Variants in BCL2L1 observed in about 807,000 individuals in gnomAD.
The protein encoded by BCL2L1 is BCL2 like 1.
A neutral mutation model predicts 18.7 loss-of-function variants in BCL2L1; 1 was observed. That is an observed-to-expected ratio of 0.05 (90% CI 0.02 to 0.25). The LOEUF (loss-of-function observed/expected upper bound fraction) is 0.25. BCL2L1 is among the 10% of genes least tolerant of loss of function. The pLI, the probability that BCL2L1 is intolerant of heterozygous loss-of-function variation, is 1.00. For missense variants in BCL2L1, 207 were observed against 304.9 expected, an observed-to-expected ratio of 0.68 and a Z score of 2.39; for synonymous variants, 103 against 122.7, an observed-to-expected ratio of 0.84 and a Z score of 1.06.
At chr20:31,712,637 C>T (rs117913309) in intron 2 of BCL2L1, among the ~76,000 whole-genome samples, 14 of 152,242 alleles carry the variant, frequency 9.2e-5, no homozygotes, top group East Asian at 5.8e-4. Flanking sequence ...GGAAAGGACA[C>T]GAGGCTGGGG....
intron 2 of BCL2L1, among the ~76,000 whole-genome samples, chr20:31,668,711 T>C (rs1447967718): frequency 6.6e-6 from 1 of 151,546 alleles, no homozygotes; most frequent in African/African-American, 2.4e-5. Flanking sequence ...TTCAAGCGAT[T>C]CTCCTGCCTC....
chr20:31,694,049 TCTGC>T (rs1475562776), intron 2 of BCL2L1, among the ~76,000 whole-genome samples: 2 of 152,136 alleles, frequency 1.3e-5, no homozygotes, highest in African/African-American at 4.8e-5. Context: ...AGCCTGTTTC[TCTGC>T]CTGTGGGTGG....
intron 2 of BCL2L1, among the ~76,000 whole-genome samples, chr20:31,675,031 C>T (rs1033974402): frequency 1.3e-5 from 2 of 152,120 alleles, no homozygotes; most frequent in African/African-American, 2.4e-5. Flanking sequence ...CTCCTGCCAG[C>T]TGAGGGGAAC....
Position 31,664,795 on chromosome 20 carries a change from TG to T in BCL2L1, c.*1153del. The T allele has an allele frequency of 4.5e-6, 1 of 222,394 alleles. No homozygotes were observed. Among genetic ancestry groups the T allele is most frequent in the African/African-American group, 2.2e-5 (1 of 44,808 alleles). 13.8% of individuals were successfully genotyped at this position (222,394 alleles called of 1,614,324 possible). A position where few individuals can be genotyped will look rare whatever the true frequency, so the allele number is the denominator to read the frequency against. ...GAGAGCCCGGGGTGGCTGGGACCCC[TG>T]GGGATGAGACAGGCCAAGGGTGGAG... On this transcript the variant is annotated 3_prime_UTR_variant, in exon 3 of 3. Transcript: ENST00000307677.
At chr20:31,718,472 A>G (rs558134846) in intron 2 of BCL2L1, among the ~76,000 whole-genome samples, 1 of 152,208 alleles carries the variant, frequency 6.6e-6, no homozygotes, top group Admixed American at 6.5e-5. Context: ...CTTGACCAAC[A>G]TGGAGAAACC....
At chr20:31,701,149 G>A (rs577243074) in intron 2 of BCL2L1, among the ~76,000 whole-genome samples, 1 of 152,300 alleles carries the variant, frequency 6.6e-6, no homozygotes, top group Admixed American at 6.5e-5. Context: ...CGCCTCCTGG[G>A]TTCAAGCGAT....
At chr20:31,698,205 T>G (rs917010679) in intron 2 of BCL2L1, among the ~76,000 whole-genome samples, 2 of 152,048 alleles carry the variant, frequency 1.3e-5, no homozygotes, top group African/African-American at 4.8e-5. Context: ...CCTTTAAAAA[T>G]GTATGTCGGA....
rs960366024 is a variant in BCL2L1 at position 31,687,692 on chromosome 20, A to G, written c.565-21606T>C. On this transcript the variant is annotated intron_variant, in intron 2 of 2. Transcript: ENST00000307677. ...ACTCTGTCTCAAAAAAAAAAAAAAA[A>G]AAAAGAAAATTCTCAAACTCTTTCC... is the stretch of plus-strand genomic sequence containing the variant. Among the ~76,000 whole-genome samples, 864 of 150,938 alleles carry G rather than the reference A, an allele frequency of 5.7e-3. 10 individuals carry two copies. Among genetic ancestry groups the G allele is most frequent in the African/African-American group, 0.02 (816 of 40,578 alleles).
intron 2 of BCL2L1, among the ~76,000 whole-genome samples, chr20:31,704,671 C>A (rs750938544): frequency 7.2e-5 from 11 of 152,138 alleles, no homozygotes; most frequent in Non-Finnish European, 1.5e-4. Context: ...GGAAAACATC[C>A]TCAAACCACC....
At chr20:31,682,507 G>T (rs953649693) in intron 2 of BCL2L1, among the ~76,000 whole-genome samples, 2 of 152,192 alleles carry the variant, frequency 1.3e-5, no homozygotes, top group Non-Finnish European at 2.9e-5. Flanking sequence ...GTGCAATCGT[G>T]TGATCAAGGC....
chr20:31,677,182 A>ATTT (rs552709722), intron 2 of BCL2L1, among the ~76,000 whole-genome samples: 8 of 139,562 alleles, frequency 5.7e-5, no homozygotes, highest in African/African-American at 8.1e-5. Context: ...TCCTTATTTA[A>ATTT]TTTTTTTTTT....
At chr20:31,704,391 C>T (rs1464573948) in intron 2 of BCL2L1, among the ~76,000 whole-genome samples, 2 of 152,120 alleles carry the variant, frequency 1.3e-5, no homozygotes, top group African/African-American at 2.4e-5. Context: ...TGAGCCACCG[C>T]GCCCAGCCTG....
At chr20:31,669,471 T>TC (rs397865238) in intron 2 of BCL2L1, among the ~76,000 whole-genome samples, 2 of 150,788 alleles carry the variant, frequency 1.3e-5, no homozygotes, top group African/African-American at 4.9e-5. Context: ...TTTTTTTTTT[T>TC]AGACGAAGAC....
chr20:31,721,508 T>C (rs768811985), intron 2 of BCL2L1, 147 bp downstream of exon 2: 3 of 912,922 alleles, frequency 3.3e-6, no homozygotes, highest in Non-Finnish European at 3.2e-6. Context: ...TAACCTCTTG[T>C]GGTGAAATGA....
At chr20:31,715,785 G>A (rs11698032) in intron 2 of BCL2L1, among the ~76,000 whole-genome samples, 4,961 of 152,262 alleles carry the variant, frequency 0.033, 111 homozygotes, top group Non-Finnish European at 0.044. Flanking sequence ...AAAGGTATCT[G>A]TATTAGGAAG....
chr20:31,665,832 T>A lies in BCL2L1; in HGVS notation c.*117A>T, dbSNP rs1024061730. 9 of 1,373,746 alleles carry A rather than the reference T, an allele frequency of 6.6e-6. No homozygotes were observed. The highest frequency in any genetic ancestry group is 8.0e-6 in the Non-Finnish European group (8 of 1,001,890). The allele number at this position is 1,373,746 out of a possible 1,614,324, so 85.1% of individuals were successfully genotyped here. A position where few individuals can be genotyped will look rare whatever the true frequency, so the allele number is the denominator to read the frequency against. On this transcript the variant is annotated 3_prime_UTR_variant, in exon 3 of 3. Transcript: ENST00000307677. The stretch of plus-strand genomic sequence containing the variant: ...ACCAGATCTGGGCCCAACCCTGTGA[T>A]GGGCAGGTGGGCATGGGCTGCATGT...
At chr20:31,715,901 G>A (rs1335844960) in intron 2 of BCL2L1, among the ~76,000 whole-genome samples, 2 of 151,618 alleles carry the variant, frequency 1.3e-5, no homozygotes, top group East Asian at 1.9e-4. Context: ...GCTTGATCTC[G>A]GCTCACTGCA....
At chr20:31,707,434 G>A (rs2061384273) in intron 2 of BCL2L1, among the ~76,000 whole-genome samples, 1 of 152,162 alleles carries the variant, frequency 6.6e-6, no homozygotes, top group Non-Finnish European at 1.5e-5. Context: ...TCCTTGGTAA[G>A]TGCTCCATGT....
At chr20:31,702,049 C>A (rs996799228) in intron 2 of BCL2L1, among the ~76,000 whole-genome samples, 1 of 152,086 alleles carries the variant, frequency 6.6e-6, no homozygotes, top group African/African-American at 2.4e-5. Context: ...TACAAGAAGA[C>A]TGGAGAGGGA....
Sources: gnomAD v4.1 joint callset for allele counts (sites outside exome capture counted in the v4.1 genomes callset) on GRCh38, gnomAD v4.1.1 for gene constraint, MANE v1.5 for transcripts, NCBI Gene and HGNC (gene_info 2026-07-23, HGNC 2026-07-21) for gene names.